Variants in ADARB2 observed in about 807,000 individuals in gnomAD.
The protein encoded by ADARB2 is inactive double-stranded RNA-specific editase B2.
Under a neutral mutation model 62.2 loss-of-function variants are expected in ADARB2, and 25 were observed. The ratio of observed to expected loss-of-function variants is 0.40; its 90% CI spans 0.29 to 0.56. The LOEUF (loss-of-function observed/expected upper bound fraction) is 0.56, where lower values mean the gene tolerates loss of function less well. ADARB2 is among the 20% of genes least tolerant of loss of function. The pLI is 0.43. For synonymous variants in ADARB2, 572 were observed against 500.8 expected, an observed-to-expected ratio of 1.14 and a Z score of -1.90; for missense variants, 1,071 against 1,077.4, an observed-to-expected ratio of 0.99 and a Z score of 0.08.
chr10:1,242,248 C>G lies in ADARB2; in HGVS notation c.1244G>C (p.Cys415Ser). ...QVVALSSGTK[C>S]ISGEHLSDQG... ...GTCACTGAGGTGCTCGCCGCTGATG[C>G]ACTTGGTCCCCGAGGACAGGGCCAC... The change falls in exon 5 of 10, where the codon TGC (cysteine) becomes TCC (serine). Residue 415 changes from cysteine (C) to serine (S), a missense_variant. Cys to Ser is a moderately radical substitution (Grantham distance 112, BLOSUM62 -1). Coordinates refer to ENST00000381312, the MANE Select transcript of ADARB2 (RefSeq NM_018702.4). The G allele has an allele frequency of 6.3e-7, 1 of 1,590,084 alleles. No individual in the cohort carries two copies. Among genetic ancestry groups the G allele is most frequent in the Non-Finnish European group, 8.5e-7 (1 of 1,169,788 alleles).
intron 1 of ADARB2, among the ~76,000 whole-genome samples, chr10:1,491,293 C>G (rs1441736928): frequency 6.6e-6 from 1 of 152,156 alleles, no homozygotes; most frequent in Non-Finnish European, 1.5e-5. Flanking sequence ...TGGTCTGGAA[C>G]TCCTGGGCTC....
intron 1 of ADARB2, among the ~76,000 whole-genome samples, chr10:1,669,248 G>GGAGATGATACCACGCGT (rs1246265264): frequency 3.9e-5 from 6 of 152,176 alleles, no homozygotes; most frequent in Admixed American, 1.3e-4. Context: ...TGAGGCCTGA[G>GGAGATGATACCACGCGT]GAGATGATAC....
intron 1 of ADARB2, among the ~76,000 whole-genome samples, chr10:1,648,391 T>C (rs1429970287): frequency 6.6e-6 from 1 of 152,124 alleles, no homozygotes; most frequent in Non-Finnish European, 1.5e-5. Flanking sequence ...TCCTCAAGCA[T>C]CCCCAGGACC....
chr10:1,592,441 GCTACCCTCGCCCAAGCCACCCTCC>G (rs1833271837), intron 1 of ADARB2, among the ~76,000 whole-genome samples: 1 of 23,154 alleles, frequency 4.3e-5, no homozygotes, highest in Non-Finnish European at 8.7e-5. Flanking sequence ...CTGTCACCCA[GCTACCCTCGCCCAAGCCACCCTCC>G]ATAGGTCTCC....
At chr10:1,263,435 A>G (rs1831163456) in intron 4 of ADARB2, among the ~76,000 whole-genome samples, 1 of 152,232 alleles carries the variant, frequency 6.6e-6, no homozygotes, top group Non-Finnish European at 1.5e-5. Context: ...CAGTAAAAAA[A>G]GACTCATAGT....
intron 1 of ADARB2, among the ~76,000 whole-genome samples, chr10:1,514,667 T>C (rs1831986722): frequency 6.6e-6 from 1 of 151,982 alleles, no homozygotes; most frequent in Admixed American, 6.5e-5. Context: ...TTAAGTTGTA[T>C]TTAATTTTGA....
At chr10:1,443,426 A>G (rs573616535) in intron 1 of ADARB2, among the ~76,000 whole-genome samples, 2 of 152,296 alleles carry the variant, frequency 1.3e-5, no homozygotes, top group South Asian at 2.1e-4. Flanking sequence ...GTTAAATATT[A>G]TACAGTTTTT....
At chr10:1,637,565 G>C (rs1283858912) in intron 1 of ADARB2, among the ~76,000 whole-genome samples, 2 of 152,142 alleles carry the variant, frequency 1.3e-5, no homozygotes, top group Non-Finnish European at 2.9e-5. Flanking sequence ...TTTGTTCCTT[G>C]ATCCTAAGAA....
chr10:1,426,947 G>C lies in ADARB2; in HGVS notation c.101-47787C>G, dbSNP rs990829459. Reference sequence around the variant, plus strand: ...CCTGTCCCCAAACCCTGCCCATCGGGAAGAGGCCACAGAGCTATGTGTCGG... The same window carrying C: ...CCTGTCCCCAAACCCTGCCCATCGGCAAGAGGCCACAGAGCTATGTGTCGG... On this transcript the variant is annotated intron_variant, in intron 1 of 9. Coordinates refer to ENST00000381312, the MANE Select transcript of ADARB2 (RefSeq NM_018702.4). The surrounding 1 kb of genome is among the most constrained non-coding windows in gnomAD (Gnocchi z 4.1). 6.6e-6 allele frequency among the ~76,000 whole-genome samples: 1 copy of C among 152,282 alleles called. No homozygotes were observed. The highest frequency in any genetic ancestry group is 2.4e-5 in the African/African-American group (1 of 41,480).
chr10:1,505,534 G>A (rs559699890), intron 1 of ADARB2, among the ~76,000 whole-genome samples: 3 of 152,276 alleles, frequency 2.0e-5, no homozygotes, highest in East Asian at 3.9e-4. Flanking sequence ...GAAAACACTC[G>A]TTCTGCCTGA....
chr10:1,607,461 A>T (rs1433838659), intron 1 of ADARB2, among the ~76,000 whole-genome samples: 1 of 152,158 alleles, frequency 6.6e-6, no homozygotes, highest in Non-Finnish European at 1.5e-5. Context: ...TAATGCTGTG[A>T]TCTGCAGCTG....
intron 1 of ADARB2, among the ~76,000 whole-genome samples, chr10:1,455,230 G>A (rs1831083122): frequency 6.6e-6 from 1 of 152,204 alleles, no homozygotes; most frequent in Admixed American, 6.5e-5. Flanking sequence ...ATGCTTCCCT[G>A]TTCTTTTGCC....
intron 1 of ADARB2, among the ~76,000 whole-genome samples, chr10:1,498,715 G>C (rs1476750630): frequency 6.6e-6 from 1 of 152,160 alleles, no homozygotes; most frequent in Non-Finnish European, 1.5e-5. Flanking sequence ...TAAAACACAA[G>C]TTACAGACAT....
intron 3 of ADARB2, among the ~76,000 whole-genome samples, chr10:1,276,085 G>A (rs899762589): frequency 6.6e-6 from 1 of 152,056 alleles, no homozygotes; most frequent in African/African-American, 2.4e-5. Flanking sequence ...TCGCCACACT[G>A]ACTTCCACAA....
chr10:1,532,971 G>A (rs959037826), intron 1 of ADARB2, among the ~76,000 whole-genome samples: 4 of 152,210 alleles, frequency 2.6e-5, no homozygotes, highest in Non-Finnish European at 4.4e-5. Context: ...AAATGAAGGG[G>A]AGGAACCGCA....
intron 1 of ADARB2, among the ~76,000 whole-genome samples, chr10:1,682,953 A>C (rs1834556664): frequency 6.6e-6 from 1 of 152,210 alleles, no homozygotes; most frequent in East Asian, 1.9e-4. Context: ...CACAGCCCGA[A>C]TGCCGGCGGT....
At chr10:1,503,599 T>C (rs1317179557) in intron 1 of ADARB2, among the ~76,000 whole-genome samples, 1 of 152,134 alleles carries the variant, frequency 6.6e-6, no homozygotes, top group Non-Finnish European at 1.5e-5. Context: ...GGCCGTGATA[T>C]GGTTCTGATC....
At chr10:1,243,221 G>C (rs1012180267) in intron 4 of ADARB2, among the ~76,000 whole-genome samples, 10 of 152,374 alleles carry the variant, frequency 6.6e-5, no homozygotes, top group Admixed American at 2.0e-4. Context: ...GGAGCCTTGG[G>C]ATGTGACAGC....
intron 1 of ADARB2, among the ~76,000 whole-genome samples, chr10:1,586,021 G>A (rs1171921850): frequency 7.2e-5 from 11 of 152,204 alleles, no homozygotes; most frequent in South Asian, 6.2e-4. Context: ...GTGACAGAGC[G>A]AGACTCCATC....
Sources: gnomAD v4.1 joint callset for allele counts (sites outside exome capture counted in the v4.1 genomes callset) on GRCh38, gnomAD v4.1.1 for gene constraint, Gnocchi (gnomAD v3.1) non-coding constraint, MANE v1.5 for transcripts, NCBI Gene and HGNC (gene_info 2026-07-23, HGNC 2026-07-21) for gene names.